The following KAT8 variants were observed in gnomAD, a reference collection of about 807,000 sequenced individuals.
KAT8 encodes lysine acetyltransferase 8, also known as histone acetyltransferase KAT8.
A neutral mutation model predicts 62.9 loss-of-function variants in KAT8; 40 were observed. The observed-to-expected ratio is 0.64, with a 90% CI of 0.49 to 0.83. The LOEUF (loss-of-function observed/expected upper bound fraction) is 0.83. Among genes scored for constraint, KAT8 ranks in the 40% least tolerant of loss-of-function variants. The probability of loss-of-function intolerance (pLI) is 0.00; values close to 1 mark genes in which losing one functional copy is unlikely to be tolerated. For synonymous variants in KAT8, 278 were observed against 254.5 expected (o/e 1.09, Z -0.88); for missense variants, 387 against 614.8 (o/e 0.63, Z 3.92).
chr16:31,131,100 A>G, intron 10 of KAT8, 95 bp from the exon 11 acceptor site: 1 of 1,561,860 alleles, frequency 6.4e-7, no homozygotes, highest in Non-Finnish European at 8.7e-7. Context: ...TCTCACCTGG[A>G]GGAGGTGAAA....
Position 31,130,912 on chromosome 16 carries a change from G to T in KAT8, c.1312+12G>T. On this transcript the variant is annotated intron_variant, in intron 10 of 10. Transcript: ENST00000219797. ...ACCACCCATCACAGGTGGGTGGGGG[G>T]CTGCTGTGTGTCGGGGGCGGTGGGG... 2 of 1,609,682 alleles carry T rather than the reference G, an allele frequency of 1.2e-6. No individual in the cohort carries two copies. The highest frequency in any genetic ancestry group is 1.7e-6 in the Non-Finnish European group (2 of 1,178,868).
At chr16:31,129,981 G>C (rs915957189) in intron 6 of KAT8, 36 bp from the exon 7 acceptor site, 1 of 1,610,842 alleles carries the variant, frequency 6.2e-7, no homozygotes, top group Non-Finnish European at 8.5e-7. Flanking sequence ...GCCTGTGCCT[G>C]CCCCCTGAGC....
Position 31,122,891 on chromosome 16 carries a change from A to T in KAT8, c.462+2377A>T, listed in dbSNP as rs201956040. ...GAGACTCCGTCTCAAAAAAAAAAAA[A>T]TTTTTAAATTATGGGTGCAGTGGCT... On this transcript the variant is annotated intron_variant, in intron 3 of 10. Coordinates refer to ENST00000219797, the MANE Select transcript of KAT8 (RefSeq NM_032188.3). 2.3e-4 allele frequency among the ~76,000 whole-genome samples: 35 copies of T among 150,802 alleles called. No individual in the cohort carries two copies. In the East Asian group the frequency reaches 2.5e-3, roughly 11 times the overall value.
rs933597723 is a variant in KAT8, at chr16:31,120,244, T to C, written c.270T>C (p.Tyr90=). 2.5e-6 allele frequency: 4 copies of C among 1,614,216 alleles called. No homozygotes were observed. The highest frequency in any genetic ancestry group is 2.7e-5 in the African/African-American group (2 of 75,060). ...VNDQEGREEF[Y]VHYVGFNRRL... ...ACCAGGAGGGCCGAGAGGAATTCTA[T>C]GTACACTACGTGGGCTGTGAGTGGC... The change falls in exon 2 of 11, where the codon TAT becomes TAC. Residue 90 remains tyrosine (Y), a synonymous_variant. Coordinates refer to ENST00000219797, the MANE Select transcript of KAT8 (RefSeq NM_032188.3).
chr16:31,122,395 A>C (rs1244906207), intron 3 of KAT8: 4 of 152,194 alleles, frequency 2.6e-5, no homozygotes, highest in Admixed American at 2.6e-4. Flanking sequence ...TTACAGTGCC[A>C]AGTGTACTTC....
Position 31,131,227 on chromosome 16 carries a change from A to T in KAT8, c.1345A>T (p.Lys449Ter). The T allele has an allele frequency of 6.2e-7, 1 of 1,614,068 alleles. No homozygotes were observed. The highest frequency in any genetic ancestry group is 8.5e-7 in the Non-Finnish European group (1 of 1,179,972). ...CGTCTGCCTCAAGTGGGCACCCCCC[A>T]AGCACAAGCAAGTCAAGCTCTCCAA... is the stretch of plus-strand genomic sequence containing the variant. ...DSVCLKWAPPKHKQVKLSKK is the reference protein window; with the variant it reads ...DSVCLKWAPP Residue 449 changes from lysine to a stop codon, truncating the protein, a stop_gained, in exon 11 of 11, where the codon AAG (lysine) becomes TAG (stop). Transcript: ENST00000219797. LOFTEE classifies it high-confidence loss of function.
intron 6 of KAT8, among the ~76,000 whole-genome samples, chr16:31,128,892 G>C (rs533907817): frequency 2.0e-5 from 3 of 152,336 alleles, no homozygotes; most frequent in Non-Finnish European, 4.4e-5. Context: ...GACCTGCCTA[G>C]CTGTTGTAGA....
chr16:31,121,170 G>T (rs2057490555), intron 3 of KAT8: 1 of 151,368 alleles, frequency 6.6e-6, no homozygotes, highest in Non-Finnish European at 1.5e-5. Flanking sequence ...GCCCAGGTTG[G>T]AGTACAGTGG....
chr16:31,117,813 G>T lies in KAT8; in HGVS notation c.132G>T (p.Pro44=). ...CATCCCCGGGCCGCGTCTCTCCGCC[G>T]ACCCCGGCGCGCGGCGAGCCGGAAG... The part of the protein sequence containing the change: ...TAPSPGRVSP[P]TPARGEPEVT... The change falls in exon 1 of 11, where the codon CCG becomes CCT. Residue 44 remains proline (P), a synonymous_variant. Coordinates refer to ENST00000219797, the MANE Select transcript of KAT8 (RefSeq NM_032188.3). 7.0e-7 allele frequency: 1 copy of T among 1,433,248 alleles called. No individual in the cohort carries two copies. The highest frequency in any genetic ancestry group is 9.2e-7 in the Non-Finnish European group (1 of 1,083,292). The allele number at this position is 1,433,248 out of a possible 1,614,324, so 88.8% of individuals were successfully genotyped here.
intron 3 of KAT8, among the ~76,000 whole-genome samples, chr16:31,122,902 A>G (rs1016201390): frequency 3.7e-4 from 55 of 150,098 alleles, no homozygotes; most frequent in Admixed American, 1.3e-4. Context: ...TTTTTAAATT[A>G]TGGGTGCAGT....
intron 3 of KAT8, 89 bp from the exon 4 acceptor site, chr16:31,126,946 A>G: frequency 7.3e-7 from 1 of 1,376,400 alleles, no homozygotes. Flanking sequence ...GGTCTGGTAG[A>G]CGGCAGGGAA....
At position 31,117,695 on chromosome 16, in the gene KAT8, G is replaced by C. The variant is rs1288061391; in HGVS notation, c.14G>C (p.Gly5Ala). The C allele has an allele frequency of 2.9e-6, 4 of 1,400,952 alleles. No homozygotes were observed. The Admixed American group carries it at 1.0e-4, about 36-fold the overall frequency. 86.8% of individuals were successfully genotyped at this position (1,400,952 alleles called of 1,614,324 possible). The change falls in exon 1 of 11, where the codon GGA becomes GCA. Residue 5 changes from glycine to alanine, a missense_variant. Transcript: ENST00000219797. MAAQ[G>A]AAAAVAAGTS... Reference sequence around the variant, plus strand: ...TCCCTTCCCGCGATGGCGGCACAGGGAGCTGCTGCGGCGGTTGCGGCGGGG... The same window carrying C: ...TCCCTTCCCGCGATGGCGGCACAGGCAGCTGCTGCGGCGGTTGCGGCGGGG...
At chr16:31,126,187 A>C (rs1028458557) in intron 3 of KAT8, 1 of 152,316 alleles carries the variant, frequency 6.6e-6, no homozygotes, top group African/African-American at 2.4e-5. Flanking sequence ...GGCATTCTCC[A>C]GGTAGAAGGA....
chr16:31,123,686 A>G (rs1137599), intron 3 of KAT8: 5 of 151,790 alleles, frequency 3.3e-5, no homozygotes, highest in African/African-American at 1.2e-4. Context: ...TTTATTTTTT[A>G]TTTTTAGTAG....
intron 1 of KAT8, 49 bp downstream of exon 1, chr16:31,117,941 G>C: frequency 8.0e-7 from 1 of 1,250,152 alleles, no homozygotes; most frequent in Non-Finnish European, 1.0e-6. Context: ...CAGGGCCAGG[G>C]GGTGGGGCGG....
chr16:31,127,427 C>T (rs1207609416), intron 5 of KAT8, 74 bp downstream of exon 5: 88 of 1,494,184 alleles, frequency 5.9e-5, no homozygotes, highest in Non-Finnish European at 7.8e-5. Flanking sequence ...AGACTGAGGG[C>T]GGCTGCGCCG....
At chr16:31,122,955 G>A (rs570583710) in intron 3 of KAT8, among the ~76,000 whole-genome samples, 1 of 152,068 alleles carries the variant, frequency 6.6e-6, no homozygotes, top group South Asian at 2.1e-4. Context: ...GCGGAGGTGG[G>A]TGGATCACTT....
At chr16:31,124,854 C>T (rs1419518198) in intron 3 of KAT8, among the ~76,000 whole-genome samples, 1 of 151,576 alleles carries the variant, frequency 6.6e-6, no homozygotes, top group African/African-American at 2.4e-5. Flanking sequence ...ATGGTGAAAC[C>T]CCATCTCTAC....
At position 31,130,713 on chromosome 16, in the gene KAT8, A is replaced by G. The variant is rs762239453; in HGVS notation, c.1158-33A>G. 1.9e-6 allele frequency: 3 copies of G among 1,612,668 alleles called. No homozygotes were observed. The Admixed American group carries it at 5.0e-5, about 27-fold the overall frequency. The stretch of plus-strand genomic sequence containing the variant: ...CCTGGCCAGATCCCACAAGGGCACC[A>G]GGTCTGGCATTTGCTCTCATCCCTT... On this transcript the variant is annotated intron_variant, in intron 9 of 10. Transcript: ENST00000219797.
Sources: allele counts gnomAD v4.1 joint callset (sites outside exome capture counted in the v4.1 genomes callset), GRCh38; gene constraint gnomAD v4.1.1; transcripts MANE v1.5; gene names NCBI Gene and HGNC (gene_info 2026-07-23, HGNC 2026-07-21).